BICC1: variants seen among roughly 807,000 people sequenced by gnomAD.
BICC1 encodes the protein BicC family RNA binding protein 1, also known as protein bicaudal C homolog 1.
BICC1 carries 43 observed loss-of-function variants against 111.0 expected under a neutral mutation model. The observed-to-expected ratio is 0.39, with a 90% CI of 0.30 to 0.50. The LOEUF (loss-of-function observed/expected upper bound fraction) is 0.50. Ranked by LOEUF, BICC1 falls within the 20% of genes least tolerant of loss-of-function variation. BICC1 has a pLI of 0.88. For synonymous variants in BICC1, 467 were observed against 434.4 expected (o/e 1.07, Z -0.93); for missense variants, 1,091 against 1,203.2 (o/e 0.91, Z 1.38).
intron 1 of BICC1, among the ~76,000 whole-genome samples, chr10:58,540,357 A>G (rs1466532388): frequency 6.6e-6 from 1 of 151,992 alleles, no homozygotes; most frequent in Non-Finnish European, 1.5e-5. Context: ...GATCAACAAA[A>G]TCAACAGTTC....
chr10:58,532,099 A>C (rs1228209111), intron 1 of BICC1, among the ~76,000 whole-genome samples: 1 of 151,846 alleles, frequency 6.6e-6, no homozygotes, highest in Non-Finnish European at 1.5e-5. Context: ...GTCATGATGA[A>C]ACTAAAGAAA....
At chr10:58,714,442 A>G (rs1840672789) in intron 3 of BICC1, among the ~76,000 whole-genome samples, 1 of 152,244 alleles carries the variant, frequency 6.6e-6, no homozygotes, top group Admixed American at 6.5e-5. Context: ...TGAATTTTAT[A>G]GTTTAATTGT....
At chr10:58,599,179 T>C (rs913538450) in intron 1 of BICC1, among the ~76,000 whole-genome samples, 23 of 152,198 alleles carry the variant, frequency 1.5e-4, no homozygotes, top group African/African-American at 5.5e-4. Flanking sequence ...TAAATCATTC[T>C]ACTATAAAGA....
intron 3 of BICC1, among the ~76,000 whole-genome samples, chr10:58,740,293 G>T (rs902172101): frequency 6.6e-6 from 1 of 152,100 alleles, no homozygotes; most frequent in Non-Finnish European, 1.5e-5. Context: ...AATTCTAAAA[G>T]ATTTGCACAT....
At chr10:58,726,362 A>G (rs1331402288) in intron 3 of BICC1, among the ~76,000 whole-genome samples, 3 of 152,208 alleles carry the variant, frequency 2.0e-5, no homozygotes, top group Admixed American at 1.3e-4. Context: ...TAGCTATTCA[A>G]TGAGATGAGC....
chr10:58,761,653 C>G (rs1842319784), intron 3 of BICC1, among the ~76,000 whole-genome samples: 1 of 152,040 alleles, frequency 6.6e-6, no homozygotes, highest in African/African-American at 2.4e-5. Context: ...ACAAACAGTT[C>G]AGGTCAACCT....
chr10:58,798,620 A>G, intron 11 of BICC1, 60 bp downstream of exon 11: 1 of 1,391,800 alleles, frequency 7.2e-7, no homozygotes, highest in Non-Finnish European at 9.4e-7. Flanking sequence ...AGTTTTTTAA[A>G]TAAAATTTAC....
chr10:58,719,828 T>C (rs1307205571), intron 3 of BICC1, among the ~76,000 whole-genome samples: 1 of 152,210 alleles, frequency 6.6e-6, no homozygotes, highest in Admixed American at 6.5e-5. Flanking sequence ...TGTTATCTTT[T>C]GAATAACTTT....
chr10:58,820,127 CTTTGTGT>C (rs1564632180), intron 19 of BICC1, among the ~76,000 whole-genome samples: 1 of 152,084 alleles, frequency 6.6e-6, no homozygotes. Context: ...ATGGTACAAT[CTTTGTGT>C]TTCCTTTCTT....
chr10:58,790,814 T>C (rs1451944438), intron 8 of BICC1, among the ~76,000 whole-genome samples: 1 of 152,106 alleles, frequency 6.6e-6, no homozygotes, highest in Non-Finnish European at 1.5e-5. Flanking sequence ...ATGAAATAAA[T>C]GAAATGGAAT....
chr10:58,644,470 C>T (rs1838209643), intron 2 of BICC1, among the ~76,000 whole-genome samples: 2 of 152,246 alleles, frequency 1.3e-5, no homozygotes, highest in South Asian at 4.2e-4. Context: ...GTCTGTGCAG[C>T]ACAGAAACAG....
chr10:58,518,039 T>C (rs909613440), intron 1 of BICC1, among the ~76,000 whole-genome samples: 2 of 152,160 alleles, frequency 1.3e-5, no homozygotes, highest in Non-Finnish European at 2.9e-5. Flanking sequence ...AGTATACTTG[T>C]AAAGGTGGGT....
chr10:58,637,726 T>G (rs1053820542), intron 2 of BICC1, among the ~76,000 whole-genome samples: 4 of 152,248 alleles, frequency 2.6e-5, no homozygotes, highest in African/African-American at 9.6e-5. Flanking sequence ...GGGCACTGTG[T>G]TAGAGCTCTG....
intron 1 of BICC1, among the ~76,000 whole-genome samples, chr10:58,612,224 T>G (rs926155986): frequency 6.6e-6 from 1 of 152,226 alleles, no homozygotes; most frequent in Non-Finnish European, 1.5e-5. Flanking sequence ...ATGACTACTC[T>G]TTTCTCAGTT....
At chr10:58,643,833 T>A (rs1838190306) in intron 2 of BICC1, among the ~76,000 whole-genome samples, 2 of 152,180 alleles carry the variant, frequency 1.3e-5, no homozygotes, top group Non-Finnish European at 2.9e-5. Context: ...GATCACAGGC[T>A]TTATTGCTAC....
In BICC1 at chr10:58,735,100, G is replaced by A. The variant is rs75556247; in HGVS notation, c.307+32957G>A. ...CCACCCTTAACCAGAAGCAAATTGT[G>A]TTTTCCCTTTTTATACTACAAAAAG... On this transcript the variant is annotated intron_variant, in intron 3 of 20. Coordinates refer to ENST00000373886, the MANE Select transcript of BICC1 (RefSeq NM_001080512.3). 4.0e-3 allele frequency among the ~76,000 whole-genome samples: 616 copies of A among 152,294 alleles called. 13 individuals are homozygous for A. The highest frequency in any genetic ancestry group is 0.014 in the African/African-American group (585 of 41,566).
chr10:58,650,600 T>G (rs960866728), intron 2 of BICC1: 1 of 152,178 alleles, frequency 6.6e-6, no homozygotes, highest in African/African-American at 2.4e-5. Context: ...GCTACACTAT[T>G]CTTATTCATG....
chr10:58,645,802 A>G (rs1838252416), intron 2 of BICC1, among the ~76,000 whole-genome samples: 2 of 152,240 alleles, frequency 1.3e-5, no homozygotes, highest in Admixed American at 6.5e-5. Flanking sequence ...GAAGTTGAAT[A>G]GAAACTATAT....
chr10:58,521,702 T>A (rs994992312), intron 1 of BICC1, among the ~76,000 whole-genome samples: 1 of 151,392 alleles, frequency 6.6e-6, no homozygotes, highest in Non-Finnish European at 1.5e-5. Flanking sequence ...TCTTACCTGC[T>A]TAGCATGTTT....
Sources: gnomAD v4.1 joint callset for allele counts (sites outside exome capture counted in the v4.1 genomes callset) on GRCh38, gnomAD v4.1.1 for gene constraint, MANE v1.5 for transcripts, NCBI Gene and HGNC (gene_info 2026-07-23, HGNC 2026-07-21) for gene names.